The following CRLS1 variants were observed in gnomAD, a reference collection of about 807,000 sequenced individuals.
The protein encoded by CRLS1 is cardiolipin synthase 1.
Under a neutral mutation model 37.0 loss-of-function variants are expected in CRLS1, and 24 were observed. That is an observed-to-expected ratio of 0.65 (90% CI 0.47 to 0.91). The LOEUF (loss-of-function observed/expected upper bound fraction) is 0.91. Ranked by LOEUF, CRLS1 falls within the 40% of genes least tolerant of loss-of-function variation. CRLS1 has a pLI of 0.00. For missense variants in CRLS1, 373 were observed against 395.8 expected (o/e 0.94, Z 0.49); for synonymous variants, 135 against 159.7 (o/e 0.85, Z 1.17).
intron 5 of CRLS1, among the ~76,000 whole-genome samples, 172 bp from the exon 6 acceptor site, chr20:6,034,290 TTG>T (rs754594687): frequency 1.3e-5 from 2 of 152,236 alleles, no homozygotes; most frequent in African/African-American, 2.4e-5. Context: ...GCTGACCCTT[TTG>T]TGTGTGCTCA....
chr20:6,035,950 G>C (rs985450636), intron 6 of CRLS1, among the ~76,000 whole-genome samples: 1 of 151,782 alleles, frequency 6.6e-6, no homozygotes, highest in Admixed American at 6.6e-5. Flanking sequence ...GATTACAGGC[G>C]CCCACCACCA....
intron 3 of CRLS1, among the ~76,000 whole-genome samples, chr20:6,026,931 C>G (rs1333512252): frequency 6.6e-6 from 1 of 152,082 alleles, no homozygotes; most frequent in Admixed American, 6.6e-5. Flanking sequence ...TGCAAAGGGC[C>G]AGATAGTAAC....
intron 1 of CRLS1, chr20:6,007,180 T>C (rs1354650866): frequency 2.2e-6 from 3 of 1,358,230 alleles, no homozygotes; most frequent in Non-Finnish European, 2.9e-6. Flanking sequence ...TTTGATGTCA[T>C]GTTAGCAAGA....
In CRLS1 at chr20:6,038,870, TTAA is replaced by T. The variant is rs1247882449; in HGVS notation, c.*1716_*1718del. ...TATTAAGGTCTCAATCTGGCTCTGG[TTAA>T]TAAACGTTTCCCGCTTCATCCCTTA... On this transcript the variant is annotated 3_prime_UTR_variant, in exon 7 of 7. Transcript: ENST00000378863. 1.3e-5 allele frequency: 2 copies of T among 152,226 alleles called. No individual in the cohort carries two copies. Among genetic ancestry groups the T allele is most frequent in the Non-Finnish European group, 2.9e-5 (2 of 68,042 alleles). The allele number at this position is 152,226 out of a possible 1,614,324, so 9.4% of individuals were successfully genotyped here. A position where few individuals can be genotyped will look rare whatever the true frequency, so the allele number is the denominator to read the frequency against.
intron 3 of CRLS1, among the ~76,000 whole-genome samples, chr20:6,025,300 T>G (rs1876219967): frequency 6.6e-6 from 1 of 152,228 alleles, no homozygotes; most frequent in African/African-American, 2.4e-5. Flanking sequence ...AGCATTATGC[T>G]AAATCTACTC....
At chr20:6,017,746 G>A (rs1978871570) in intron 3 of CRLS1, among the ~76,000 whole-genome samples, 1 of 152,142 alleles carries the variant, frequency 6.6e-6, no homozygotes, top group Non-Finnish European at 1.5e-5. Context: ...TGATCTGTTT[G>A]GAGGAATTTG....
chr20:6,026,242 A>C (rs143887340), intron 3 of CRLS1: 2,167 of 152,350 alleles, frequency 0.014, 23 homozygotes, highest in Non-Finnish European at 0.022. Context: ...CATTGAGGTA[A>C]GATCCTCTAC....
At chr20:6,019,001 T>C (rs1017575065) in intron 3 of CRLS1, among the ~76,000 whole-genome samples, 1 of 152,208 alleles carries the variant, frequency 6.6e-6, no homozygotes, top group African/African-American at 2.4e-5. Flanking sequence ...GAATTCTTCA[T>C]ATATTCTTGT....
chr20:6,036,051 C>T lies in CRLS1; in HGVS notation c.822-1023C>T, dbSNP rs570942598. Among the ~76,000 whole-genome samples the T allele has an allele frequency of 7.2e-5, 11 of 152,014 alleles. No individual in the cohort carries two copies. In the East Asian group the frequency reaches 9.7e-4, roughly 13 times the overall value. On this transcript the variant is annotated intron_variant, in intron 6 of 6. Coordinates refer to ENST00000378863, the MANE Select transcript of CRLS1 (RefSeq NM_019095.6). ...AACTCCTGGCCTCAGTTGATCCACC[C>T]GCCTCAGCCTCTCAAAGTGCTGGGA...
chr20:6,007,227 C>T (rs1250719962), intron 1 of CRLS1: 2 of 1,466,330 alleles, frequency 1.4e-6, no homozygotes, highest in Non-Finnish European at 1.8e-6. Context: ...GTTATGTCTT[C>T]AGTGGCCCCT....
upstream of CRLS1, chr20:6,006,059 A>C (rs1285720276): frequency 2.7e-5 from 10 of 366,840 alleles, no homozygotes; most frequent in Non-Finnish European, 4.3e-5. Flanking sequence ...AGCGTCGCGA[A>C]GGCGTCCGCC....
At chr20:6,019,673 C>T (rs1284045380) in intron 3 of CRLS1, among the ~76,000 whole-genome samples, 1 of 142,194 alleles carries the variant, frequency 7.0e-6, no homozygotes, top group African/African-American at 2.6e-5. Flanking sequence ...GTTTTCTTTG[C>T]TGTTCTTTTT....
rs1980777064 is a variant in CRLS1, at chr20:6,039,090, A to G, written c.*1932A>G. The G allele has an allele frequency of 6.6e-6, 1 of 152,244 alleles. No homozygotes were observed. The highest frequency in any genetic ancestry group is 2.4e-5 in the African/African-American group (1 of 41,462). 9.4% of individuals were successfully genotyped at this position (152,244 alleles called of 1,614,324 possible). A position where few individuals can be genotyped will look rare whatever the true frequency, so the allele number is the denominator to read the frequency against. ...GACTTAACCTTGACAGTAAGCTTAAAGCATTAGTGTCATTTAATTACATGT... is the reference window on the plus strand; with the variant it reads ...GACTTAACCTTGACAGTAAGCTTAAGGCATTAGTGTCATTTAATTACATGT... On this transcript the variant is annotated 3_prime_UTR_variant, in exon 7 of 7. Coordinates refer to ENST00000378863, the MANE Select transcript of CRLS1 (RefSeq NM_019095.6).
Position 6,015,350 on chromosome 20 carries a change from TC to T in CRLS1, c.445-10del. On this transcript the variant is annotated splice_polypyrimidine_tract_variant and intron_variant, in intron 2 of 6. Coordinates refer to ENST00000378863, the MANE Select transcript of CRLS1 (RefSeq NM_019095.6). The stretch of plus-strand genomic sequence containing the variant: ...ACATTTATATATATAAAAAAAAACT[TC>T]TATTTTCAGTTGGATGGATTTATTG... The T allele has an allele frequency of 1.3e-6, 2 of 1,542,992 alleles. No homozygotes were observed. Among genetic ancestry groups the T allele is most frequent in the Non-Finnish European group, 1.8e-6 (2 of 1,142,230 alleles).
chr20:6,020,942 T>C (rs888128559), intron 3 of CRLS1, among the ~76,000 whole-genome samples: 3 of 151,810 alleles, frequency 2.0e-5, no homozygotes, highest in African/African-American at 7.3e-5. Flanking sequence ...TAATCCTGCT[T>C]TTTAAGTCTT....
chr20:6,024,832 A>G (rs1260935753), intron 3 of CRLS1, among the ~76,000 whole-genome samples: 1 of 152,230 alleles, frequency 6.6e-6, no homozygotes, highest in African/African-American at 2.4e-5. Context: ...TCTGAATAGA[A>G]GATCACGTCA....
chr20:6,009,248 G>T (rs764485994), intron 1 of CRLS1, among the ~76,000 whole-genome samples: 1 of 151,838 alleles, frequency 6.6e-6, no homozygotes, highest in African/African-American at 2.4e-5. Flanking sequence ...ACTTGAACCC[G>T]GGAGGTGGAG....
intron 2 of CRLS1, among the ~76,000 whole-genome samples, chr20:6,013,817 G>C (rs1470214333): frequency 6.6e-6 from 1 of 152,136 alleles, no homozygotes; most frequent in African/African-American, 2.4e-5. Context: ...CAGGCCCAGA[G>C]TACATGGAGA....
chr20:6,014,670 T>G (rs1978602961), intron 2 of CRLS1, among the ~76,000 whole-genome samples: 1 of 152,180 alleles, frequency 6.6e-6, no homozygotes, highest in South Asian at 2.1e-4. Context: ...ATTGAATACT[T>G]ACATGTTGAT....
Sources: allele counts gnomAD v4.1 joint callset (sites outside exome capture counted in the v4.1 genomes callset), GRCh38; gene constraint gnomAD v4.1.1; transcripts MANE v1.5; gene names NCBI Gene and HGNC (gene_info 2026-07-23, HGNC 2026-07-21).